Variants in TMEM244 observed in about 807,000 individuals in gnomAD.
The protein encoded by TMEM244 is transmembrane protein 244.
In TMEM244, 13 loss-of-function variants were observed where a neutral mutation model predicts 15.8. The observed-to-expected ratio is 0.82, with a 90% CI of 0.53 to 1.30. TMEM244 has a LOEUF of 1.30. TMEM244 is among the 50% of genes most tolerant of loss of function. TMEM244 has a pLI of 0.00. For synonymous variants in TMEM244, 45 were observed against 48.7 expected (o/e 0.92, Z 0.32); for missense variants, 161 against 144.9 (o/e 1.11, Z -0.57).
At chr6:129,853,485 C>A (rs917794294) in intron 1 of TMEM244, among the ~76,000 whole-genome samples, 76 of 151,702 alleles carry the variant, frequency 5.0e-4, no homozygotes, top group African/African-American at 1.8e-3. Context: ...CACTCCTATT[C>A]TGAAAGTGAA....
chr6:129,852,441 C>T (rs536655234), intron 1 of TMEM244, among the ~76,000 whole-genome samples: 1 of 152,100 alleles, frequency 6.6e-6, no homozygotes, highest in Non-Finnish European at 1.5e-5. Context: ...AAGTATGATT[C>T]ATCTTTATCA....
intron 1 of TMEM244, 140 bp downstream of exon 1, chr6:129,861,016 G>A: frequency 1.2e-6 from 1 of 827,102 alleles, no homozygotes; most frequent in Non-Finnish European, 2.0e-6. Flanking sequence ...AAGCCGTGCA[G>A]CAGAATGTTT....
chr6:129,843,149 A>G (rs1776514275), intron 3 of TMEM244, among the ~76,000 whole-genome samples: 2 of 152,120 alleles, frequency 1.3e-5, no homozygotes, highest in South Asian at 4.1e-4. Flanking sequence ...CAAAAATGAA[A>G]TTGTATTATA....
At chr6:129,841,508 A>C (rs1776490738) in intron 3 of TMEM244, among the ~76,000 whole-genome samples, 1 of 152,142 alleles carries the variant, frequency 6.6e-6, no homozygotes, top group Non-Finnish European at 1.5e-5. Flanking sequence ...AACATGGCAC[A>C]GGTATACCTA....
At chr6:129,840,020 A>C (rs1057273252) in intron 3 of TMEM244, among the ~76,000 whole-genome samples, 8 of 152,194 alleles carry the variant, frequency 5.3e-5, no homozygotes, top group Non-Finnish European at 8.8e-5. Flanking sequence ...TAATTTATAG[A>C]TTCAATGCCA....
rs1297807461 is a variant in TMEM244 at position 129,831,328 on chromosome 6, C to A, written c.378G>T (p.Leu126Phe). 6.5e-7 allele frequency: 1 copy of A among 1,546,926 alleles called. No individual in the cohort carries two copies. Among genetic ancestry groups the A allele is most frequent in the South Asian group, 1.1e-5 (1 of 88,944 alleles). ...HWWAALGISK[L>F]LV Reference sequence around the variant, plus strand: ...CTGTGCATTAGAGAATCTAAACAAGCAATTTTGATATACCTAAAGCAGCCC... The same window carrying A: ...CTGTGCATTAGAGAATCTAAACAAGAAATTTTGATATACCTAAAGCAGCCC... The change falls in exon 5 of 5, where the codon TTG becomes TTT. Residue 126 changes from leucine to phenylalanine, a missense_variant. Coordinates refer to ENST00000368143, the MANE Select transcript of TMEM244 (RefSeq NM_001010876.2).
intron 3 of TMEM244, among the ~76,000 whole-genome samples, chr6:129,839,165 C>T (rs568349281): frequency 1.6e-4 from 24 of 152,124 alleles, no homozygotes; most frequent in Non-Finnish European, 1.8e-4. Flanking sequence ...TGAACATCAA[C>T]GCAAAAATCC....
At chr6:129,840,756 G>T (rs1776478585) in intron 3 of TMEM244, among the ~76,000 whole-genome samples, 1 of 152,132 alleles carries the variant, frequency 6.6e-6, no homozygotes. Flanking sequence ...ATCAAAAAAT[G>T]GGCAAAGTAT....
At chr6:129,838,191 A>G (rs1163066770) in intron 3 of TMEM244, among the ~76,000 whole-genome samples, 2 of 152,196 alleles carry the variant, frequency 1.3e-5, no homozygotes, top group Non-Finnish European at 2.9e-5. Flanking sequence ...TCCTCAGCAA[A>G]TGTAAAAGAA....
intron 1 of TMEM244, among the ~76,000 whole-genome samples, chr6:129,849,635 G>A (rs1175851652): frequency 1.3e-5 from 2 of 152,112 alleles, no homozygotes; most frequent in Admixed American, 6.6e-5. Flanking sequence ...CAGGGCCCCA[G>A]TCCCAGTGTT....
chr6:129,850,902 C>T (rs1776629604), intron 1 of TMEM244, among the ~76,000 whole-genome samples: 1 of 152,168 alleles, frequency 6.6e-6, no homozygotes, highest in South Asian at 2.1e-4. Context: ...AGACAGTTCT[C>T]ACCTCTGCCC....
intron 1 of TMEM244, among the ~76,000 whole-genome samples, chr6:129,849,240 A>G (rs1181581186): frequency 2.0e-5 from 3 of 152,166 alleles, no homozygotes; most frequent in Non-Finnish European, 4.4e-5. Context: ...TGTAGGAAAT[A>G]TTTGGAAAAG....
intron 1 of TMEM244, among the ~76,000 whole-genome samples, chr6:129,847,218 A>G (rs1006929132): frequency 9.2e-5 from 14 of 152,152 alleles, no homozygotes; most frequent in African/African-American, 2.9e-4. Flanking sequence ...TTCACTGTTA[A>G]CCTTTTCAAA....
At chr6:129,861,019 G>T in intron 1 of TMEM244, 137 bp downstream of exon 1, 2 of 856,282 alleles carry the variant, frequency 2.3e-6, no homozygotes, top group Non-Finnish European at 3.7e-6. Context: ...CCGTGCAGCA[G>T]AATGTTTTCT....
intron 1 of TMEM244, among the ~76,000 whole-genome samples, chr6:129,853,185 T>C (rs561228828): frequency 3.9e-5 from 6 of 152,198 alleles, no homozygotes; most frequent in Non-Finnish European, 8.8e-5. Flanking sequence ...TGTTATTTCC[T>C]TTGTGTTCAC....
At chr6:129,835,015 T>C (rs1283088605) in intron 3 of TMEM244, among the ~76,000 whole-genome samples, 3 of 152,196 alleles carry the variant, frequency 2.0e-5, no homozygotes, top group Non-Finnish European at 4.4e-5. Context: ...TTGTTCATGA[T>C]AGGAAAGAAA....
intron 1 of TMEM244, among the ~76,000 whole-genome samples, chr6:129,855,725 A>G (rs939548029): frequency 4.6e-5 from 7 of 152,158 alleles, no homozygotes; most frequent in Non-Finnish European, 1.5e-5. Flanking sequence ...AATATTGTGC[A>G]TTTCCCATTG....
chr6:129,854,485 C>G (rs779160288), intron 1 of TMEM244, among the ~76,000 whole-genome samples: 42 of 152,096 alleles, frequency 2.8e-4, no homozygotes, highest in Admixed American at 2.4e-3. Flanking sequence ...AATAATCACA[C>G]AGAAAATAAT....
rs17397267 is a variant in TMEM244, at chr6:129,853,827, C to T, written c.33+7329G>A. ...AATATGAGCATGTGCACGTGGCATCCCTAAGGATTCAGAGCTTAAGTGGAG... is the reference window on the plus strand; with the variant it reads ...AATATGAGCATGTGCACGTGGCATCTCTAAGGATTCAGAGCTTAAGTGGAG... On this transcript the variant is annotated intron_variant, in intron 1 of 4. Coordinates refer to ENST00000368143, the MANE Select transcript of TMEM244 (RefSeq NM_001010876.2). Among the ~76,000 whole-genome samples the T allele has an allele frequency of 3.5e-3, 535 of 152,252 alleles. 1 individual carries two copies. The highest frequency in any genetic ancestry group is 0.012 in the African/African-American group (497 of 41,562).
Sources: allele counts gnomAD v4.1 joint callset (sites outside exome capture counted in the v4.1 genomes callset), GRCh38; gene constraint gnomAD v4.1.1; transcripts MANE v1.5; gene names NCBI Gene and HGNC (gene_info 2026-07-23, HGNC 2026-07-21).